Variants in TBK1 observed in about 807,000 individuals in gnomAD.
TBK1 encodes TANK binding kinase 1, also known as serine/threonine-protein kinase TBK1.
TBK1 carries 37 observed loss-of-function variants against 99.9 expected under a neutral mutation model. That is an observed-to-expected ratio of 0.37 (90% CI 0.28 to 0.49). The LOEUF (loss-of-function observed/expected upper bound fraction) is 0.49. Ranked by LOEUF, TBK1 falls within the 20% of genes least tolerant of loss-of-function variation. TBK1 has a pLI of 0.98. For synonymous variants in TBK1, 258 were observed against 279.8 expected, an observed-to-expected ratio of 0.92 and a Z score of 0.78; for missense variants, 644 against 872.5, an observed-to-expected ratio of 0.74 and a Z score of 3.30.
intron 3 of TBK1, among the ~76,000 whole-genome samples, chr12:64,463,178 T>C (rs1166190381): frequency 6.6e-6 from 1 of 151,722 alleles, no homozygotes; most frequent in Non-Finnish European, 1.5e-5. Context: ...GAGACCATCC[T>C]GGCTAACATG....
intron 8 of TBK1, among the ~76,000 whole-genome samples, chr12:64,482,952 A>G (rs561848221): frequency 2.0e-4 from 30 of 152,348 alleles, no homozygotes; most frequent in African/African-American, 7.2e-4. Context: ...CAATGTTAAT[A>G]GCTGGTTGTG....
chr12:64,456,192 G>A (rs1327465790), intron 2 of TBK1, among the ~76,000 whole-genome samples: 1 of 152,188 alleles, frequency 6.6e-6, no homozygotes, highest in African/African-American at 2.4e-5. Flanking sequence ...GTTGAAAATG[G>A]ACTGGGAAAG....
At chr12:64,459,254 A>G (rs1445196531) in intron 2 of TBK1, among the ~76,000 whole-genome samples, 1 of 152,218 alleles carries the variant, frequency 6.6e-6, no homozygotes, top group South Asian at 2.1e-4. Context: ...ATGTAAGGCT[A>G]AACTCAAGAT....
chr12:64,490,066 C>G lies in TBK1; in HGVS notation c.1468C>G (p.Leu490Val), dbSNP rs757228884. ...ATATGAAAAGTTGATGAAGATCAAC[C>G]TGGAAGCGGCAGAGTTAGGTGAAAT... ...KVYEKLMKINLEAAELGEISD... is the reference protein window; with the variant it reads ...KVYEKLMKINVEAAELGEISD... The change falls in exon 13 of 21, where the codon CTG becomes GTG. Residue 490 changes from leucine to valine, a missense_variant. Transcript: ENST00000331710. The G allele has an allele frequency of 1.2e-6, 2 of 1,609,380 alleles. No homozygotes were observed. The highest frequency in any genetic ancestry group is 1.7e-6 in the Non-Finnish European group (2 of 1,177,706).
intron 2 of TBK1, among the ~76,000 whole-genome samples, chr12:64,458,415 G>C (rs1445168248): frequency 6.6e-6 from 1 of 151,712 alleles, no homozygotes; most frequent in South Asian, 2.1e-4. Flanking sequence ...AGTTACTAAA[G>C]TATGAGTGTG....
At chr12:64,456,087 TC>T (rs1196725984) in intron 2 of TBK1, 130 bp downstream of exon 2, 1 of 735,404 alleles carries the variant, frequency 1.4e-6, no homozygotes, top group Non-Finnish European at 2.2e-6. Context: ...TTAATGATTT[TC>T]GTGGTCATTT....
chr12:64,456,338 A>G (rs775100695), intron 2 of TBK1, among the ~76,000 whole-genome samples: 1 of 152,152 alleles, frequency 6.6e-6, no homozygotes, highest in Non-Finnish European at 1.5e-5. Context: ...GCAGATGTGT[A>G]TTGGGAGGGG....
At position 64,497,708 on chromosome 12, in the gene TBK1, A is replaced by G. The variant is rs774542720; in HGVS notation, c.2020A>G (p.Thr674Ala). 2 of 1,607,198 alleles carry G rather than the reference A, an allele frequency of 1.2e-6. No individual in the cohort carries two copies. The highest frequency in any genetic ancestry group is 2.2e-5 in the South Asian group (2 of 89,134). ...TASSGIKHTM[T>A]PIYPSSNTLV... The stretch of plus-strand genomic sequence containing the variant: ...TTCCAGTGGAATCAAACATACCATG[A>G]CCCCAATTTATCCAAGTTCTAACAC... The change falls in exon 19 of 21, where the codon ACC becomes GCC. Residue 674 changes from threonine to alanine, a missense_variant. Physicochemically the swap from Thr to Ala is moderately conservative, Grantham distance 58 (BLOSUM62 0). Around this residue, in one of 3 missense-constraint regions of TBK1, gnomAD observed 465 missense variants for 588.0 expected, o/e 0.79. Transcript: ENST00000331710.
chr12:64,456,563 G>A (rs994242751), intron 2 of TBK1, among the ~76,000 whole-genome samples: 1 of 152,268 alleles, frequency 6.6e-6, no homozygotes, highest in Middle Eastern at 3.4e-3. Context: ...AAAAGGGGCC[G>A]GGCGCGGTGG....
At chr12:64,480,369 A>G (rs961369142) in intron 7 of TBK1, among the ~76,000 whole-genome samples, 6 of 152,172 alleles carry the variant, frequency 3.9e-5, no homozygotes, top group African/African-American at 9.6e-5. Flanking sequence ...ATTGGTAATC[A>G]CTGGTCTTGG....
chr12:64,479,876 A>C, intron 6 of TBK1, 136 bp from the exon 7 acceptor site: 1 of 571,020 alleles, frequency 1.8e-6, no homozygotes, highest in Admixed American at 3.2e-5. Flanking sequence ...TGTTTTATGG[A>C]TCCTGTGAGC....
At position 64,471,347 on chromosome 12, in the gene TBK1, C is replaced by CTA. The variant is rs140721700; in HGVS notation, c.541-2871_541-2870dup. ...CCACACCTGGCTAATATTTTTGTGT[C>CTA]TATATATATATATGTATACTTTTGA... On this transcript the variant is annotated intron_variant, in intron 5 of 20. Transcript: ENST00000331710. Among the ~76,000 whole-genome samples the CTA allele has an allele frequency of 5.8e-3, 849 of 147,048 alleles. 8 individuals are homozygous for CTA. The highest frequency in any genetic ancestry group is 0.02 in the African/African-American group (806 of 39,812).
chr12:64,485,375 A>C (rs2040809247), intron 9 of TBK1, 80 bp from the exon 10 acceptor site: 5 of 599,470 alleles, frequency 8.3e-6, no homozygotes, highest in Non-Finnish European at 1.4e-5. Flanking sequence ...TTTAATTTAG[A>C]CATTGTGTTT....
At position 64,495,506 on chromosome 12, in the gene TBK1, A is replaced by G; in HGVS notation, c.1545A>G (p.Ile515Met). The G allele has an allele frequency of 6.2e-7, 1 of 1,614,080 alleles. No individual in the cohort carries two copies. The highest frequency in any genetic ancestry group is 8.5e-7 in the Non-Finnish European group (1 of 1,179,948). The change falls in exon 14 of 21, where the codon ATA (isoleucine) becomes ATG (methionine). Residue 515 changes from isoleucine to methionine, a missense_variant. This residue lies in a region of TBK1 where 465 missense variants were observed against 588.0 expected (regional missense o/e 0.79). Coordinates refer to ENST00000331710, the MANE Select transcript of TBK1 (RefSeq NM_013254.4). ...LLRLSSSQGT[I>M]ETSLQDIDSR... ...AGCTTTCCAGTTCTCAGGGAACAAT[A>G]GAAACCAGTCTTCAGGATATCGACA...
intron 5 of TBK1, among the ~76,000 whole-genome samples, chr12:64,471,479 A>G (rs1055978518): frequency 1.3e-5 from 2 of 152,026 alleles, no homozygotes; most frequent in Non-Finnish European, 2.9e-5. Flanking sequence ...CAGCTTCCCA[A>G]GTAGCTGGGA....
chr12:64,493,499 C>T (rs1389501453), intron 13 of TBK1, among the ~76,000 whole-genome samples: 5 of 152,098 alleles, frequency 3.3e-5, no homozygotes, highest in African/African-American at 4.8e-5. Context: ...TAGTGGCAGA[C>T]GCTTGTAATC....
intron 13 of TBK1, among the ~76,000 whole-genome samples, chr12:64,490,520 C>CCT (rs151081062): frequency 7.5e-5 from 11 of 147,444 alleles, no homozygotes; most frequent in Non-Finnish European, 1.1e-4. Context: ...TCTCTCGCTG[C>CCT]CTCTCTCTCT....
intron 13 of TBK1, 35 bp downstream of exon 13, chr12:64,490,154 C>G (rs376239414): frequency 6.2e-6 from 9 of 1,453,240 alleles, no homozygotes; most frequent in Middle Eastern, 3.9e-4. Flanking sequence ...TTTGTAAGCT[C>G]ATAACCTATT....
intron 15 of TBK1, 40 bp downstream of exon 15, chr12:64,495,815 CTTAGTAA>C (rs1455029179): frequency 1.4e-6 from 2 of 1,428,342 alleles, no homozygotes; most frequent in Non-Finnish European, 1.9e-6. Flanking sequence ...ATAAATCCCT[CTTAGTAA>C]TTAGTTATAA....
Sources: gnomAD v4.1 joint callset for allele counts (sites outside exome capture counted in the v4.1 genomes callset) on GRCh38, gnomAD v4.1.1 for gene constraint, gnomAD v4.1.1 regional missense constraint, MANE v1.5 for transcripts, NCBI Gene and HGNC (gene_info 2026-07-23, HGNC 2026-07-21) for gene names.